HORMAD2: variants seen among roughly 807,000 people sequenced by gnomAD.
HORMAD2 encodes the protein HORMA domain-containing protein 2.
HORMAD2 carries 45 observed loss-of-function variants against 38.8 expected under a neutral mutation model. The ratio of observed to expected loss-of-function variants is 1.16; its 90% CI spans 0.91 to 1.49. HORMAD2 has a LOEUF of 1.49. Among genes scored for constraint, HORMAD2 ranks in the 40% most tolerant of loss-of-function variants. The probability of loss-of-function intolerance (pLI) is 0.00; values close to 1 mark genes in which losing one functional copy is unlikely to be tolerated. For missense variants in HORMAD2, 338 were observed against 367.0 expected (o/e 0.92, Z 0.65); for synonymous variants, 126 against 122.8 (o/e 1.03, Z -0.17).
chr22:30,112,474 A>T, intron 6 of HORMAD2, 22 bp from the exon 7 acceptor site: 1 of 1,314,556 alleles, frequency 7.6e-7, no homozygotes, highest in Non-Finnish European at 1.0e-6. Flanking sequence ...AAATTAAATG[A>T]TGTTTATTTT....
At chr22:30,178,401 G>C (rs1926569574), downstream of HORMAD2, among the ~76,000 whole-genome samples, 1 of 152,202 alleles carries the variant, frequency 6.6e-6, no homozygotes, top group Admixed American at 6.5e-5. Context: ...CAACAGAGAA[G>C]TTTCTGGGCC....
At chr22:30,148,250 G>A (rs1601574043) in intron 10 of HORMAD2, among the ~76,000 whole-genome samples, 1 of 152,004 alleles carries the variant, frequency 6.6e-6, no homozygotes, top group Middle Eastern at 3.4e-3. Flanking sequence ...TGAAAAGAAA[G>A]GGAAAGAAAA....
intron 7 of HORMAD2, among the ~76,000 whole-genome samples, chr22:30,115,357 C>T (rs945330900): frequency 3.9e-5 from 6 of 152,160 alleles, no homozygotes; most frequent in Non-Finnish European, 8.8e-5. Context: ...ATCCCCTTGC[C>T]TCAGCCTCCC....
At chr22:30,189,966 C>T in the HORMAD2 span, among the ~76,000 whole-genome samples, 3 of 152,138 alleles carry the variant, frequency 2.0e-5, no homozygotes, top group East Asian at 5.8e-4. Flanking sequence ...AACTCACTTG[C>T]CCTACGTCTC....
the HORMAD2 span, among the ~76,000 whole-genome samples, chr22:30,196,017 A>T: frequency 1.3e-5 from 2 of 152,242 alleles, no homozygotes; most frequent in Non-Finnish European, 2.9e-5. Flanking sequence ...GGTTTAAACA[A>T]ACAGAGAGAC....
chr22:30,078,607 C>CAAAAAAAA (rs55966787), upstream of HORMAD2, among the ~76,000 whole-genome samples: 2,411 of 28,078 alleles, frequency 0.086, 585 homozygotes, highest in Non-Finnish European at 0.11. Context: ...CTCTGTCTCA[C>CAAAAAAAA]AAAAAAAAAA....
At chr22:30,206,402 C>T in the HORMAD2 span, among the ~76,000 whole-genome samples, 1 of 152,210 alleles carries the variant, frequency 6.6e-6, no homozygotes, top group African/African-American at 2.4e-5. Flanking sequence ...TCGTGATCCA[C>T]CTGCCTCAGC....
rs529866295 is a variant in HORMAD2 at position 30,170,098 on chromosome 22, G to A, written c.820-5965G>A. ...GGTATAACTTACTTTTAGGGACATA[G>A]ATCCTTTGAACCATGGAAATCTTTG... On this transcript the variant is annotated intron_variant, in intron 10 of 10. Coordinates refer to ENST00000336726, the MANE Select transcript of HORMAD2 (RefSeq NM_152510.4). 1.3e-3 allele frequency among the ~76,000 whole-genome samples: 197 copies of A among 152,242 alleles called. 3 individuals carry two copies. In the Middle Eastern group the frequency reaches 0.017, roughly 13 times the overall value.
At chr22:30,175,864 C>T (rs1222417033) in intron 10 of HORMAD2, among the ~76,000 whole-genome samples, 199 bp from the exon 11 acceptor site, 1 of 152,192 alleles carries the variant, frequency 6.6e-6, no homozygotes, top group Non-Finnish European at 1.5e-5. Context: ...CAAGGGACCT[C>T]AGCTCCTGAA....
At chr22:30,153,341 T>A (rs1924872867) in intron 10 of HORMAD2, among the ~76,000 whole-genome samples, 1 of 152,134 alleles carries the variant, frequency 6.6e-6, no homozygotes, top group Non-Finnish European at 1.5e-5. Context: ...ATTCTATCGC[T>A]TCCCTAATCA....
intron 1 of HORMAD2, among the ~76,000 whole-genome samples, chr22:30,085,747 C>CT (rs372195356): frequency 8.0e-4 from 122 of 152,252 alleles, no homozygotes; most frequent in African/African-American, 2.7e-3. Context: ...AGTGAGAGTC[C>CT]TTTTCAATAA....
At chr22:30,155,880 A>C (rs1227026389) in intron 10 of HORMAD2, among the ~76,000 whole-genome samples, 1 of 152,102 alleles carries the variant, frequency 6.6e-6, no homozygotes, top group Non-Finnish European at 1.5e-5. Flanking sequence ...CATCTTTGCC[A>C]CCTTCCTTGT....
the HORMAD2 span, among the ~76,000 whole-genome samples, chr22:30,204,172 G>A: frequency 4.6e-5 from 7 of 152,190 alleles, no homozygotes; most frequent in South Asian, 2.1e-4. Context: ...TTTGGAGCTC[G>A]CAGCCTGGCA....
At chr22:30,088,063 A>C (rs1488789116) in intron 1 of HORMAD2, among the ~76,000 whole-genome samples, 1 of 150,954 alleles carries the variant, frequency 6.6e-6, no homozygotes, top group East Asian at 2.0e-4. Context: ...ACGTATACAT[A>C]TACACACACG....
rs912007216 is a variant in HORMAD2 at position 30,107,553 on chromosome 22, G to A, written c.294+3116G>A. Among the ~76,000 whole-genome samples the A allele has an allele frequency of 4.6e-5, 7 of 151,814 alleles. No individual in the cohort carries two copies. The South Asian group carries it at 6.2e-4, about 14-fold the overall frequency. On this transcript the variant is annotated intron_variant, in intron 5 of 10. Transcript: ENST00000336726. ...CTCTTGAACCCAGGAGTTTGAGACC[G>A]GCCTGGGCAACATGGTGACACCCTG...
intron 10 of HORMAD2, among the ~76,000 whole-genome samples, chr22:30,143,888 T>G (rs1569109013): frequency 6.6e-6 from 1 of 152,316 alleles, no homozygotes; most frequent in South Asian, 2.1e-4. Flanking sequence ...GTGGCACTTC[T>G]GTGCTCTCTG....
At chr22:30,203,895 C>T in the HORMAD2 span, among the ~76,000 whole-genome samples, 4 of 152,160 alleles carry the variant, frequency 2.6e-5, no homozygotes, top group African/African-American at 4.8e-5. Flanking sequence ...TTAATGTACA[C>T]GTTTACCCTC....
chr22:30,129,522 A>G (rs1923132300), intron 10 of HORMAD2, among the ~76,000 whole-genome samples: 1 of 152,232 alleles, frequency 6.6e-6, no homozygotes, highest in Admixed American at 6.5e-5. Context: ...TTTTACAAAT[A>G]GGAAACTGAG....
intron 10 of HORMAD2, among the ~76,000 whole-genome samples, chr22:30,170,380 C>CT (rs772610102): frequency 6.6e-6 from 1 of 152,160 alleles, no homozygotes; most frequent in Non-Finnish European, 1.5e-5. Context: ...CCTGAACTGC[C>CT]TTTCCTGTGT....
Sources: gnomAD v4.1 joint callset for allele counts (sites outside exome capture counted in the v4.1 genomes callset) on GRCh38, gnomAD v4.1.1 for gene constraint, MANE v1.5 for transcripts, NCBI Gene and HGNC (gene_info 2026-07-23, HGNC 2026-07-21) for gene names.